CCDC146: variants seen among roughly 807,000 people sequenced by gnomAD.
CCDC146 encodes coiled-coil domain containing 146.
Under a neutral mutation model 119.3 loss-of-function variants are expected in CCDC146, and 92 were observed. The ratio of observed to expected loss-of-function variants is 0.77; its 90% CI spans 0.65 to 0.92. The LOEUF (loss-of-function observed/expected upper bound fraction) is 0.92, where lower values mean the gene tolerates loss of function less well. Ranked by LOEUF, CCDC146 falls within the 40% of genes least tolerant of loss-of-function variation. The pLI is 0.00. For missense variants in CCDC146, 1,000 were observed against 1,103.0 expected, an observed-to-expected ratio of 0.91 and a Z score of 1.32; for synonymous variants, 372 against 371.8, an observed-to-expected ratio of 1.00 and a Z score of -0.01.
intron 2 of CCDC146, among the ~76,000 whole-genome samples, chr7:77,189,301 C>T (rs1334031533): frequency 1.3e-5 from 2 of 152,078 alleles, no homozygotes; most frequent in Non-Finnish European, 2.9e-5. Context: ...TTCTATAATG[C>T]CTCTAATTGT....
At chr7:77,291,604 A>C (rs1222236514) in intron 17 of CCDC146, among the ~76,000 whole-genome samples, 2 of 152,162 alleles carry the variant, frequency 1.3e-5, no homozygotes, top group African/African-American at 4.8e-5. Context: ...GCTACTTGGG[A>C]GGCTGAGGTG....
intron 2 of CCDC146, among the ~76,000 whole-genome samples, chr7:77,205,132 A>G (rs1792059533): frequency 6.6e-6 from 1 of 152,182 alleles, no homozygotes. Flanking sequence ...AAGTAAAGAA[A>G]TTAGGAGAAT....
intron 2 of CCDC146, among the ~76,000 whole-genome samples, chr7:77,204,093 G>A (rs1038029056): frequency 2.0e-5 from 3 of 151,402 alleles, no homozygotes; most frequent in Admixed American, 6.6e-5. Context: ...AATGATAGTC[G>A]TATTTATAGT....
chr7:77,183,038 A>G (rs1322788553), intron 2 of CCDC146, among the ~76,000 whole-genome samples: 2 of 152,198 alleles, frequency 1.3e-5, no homozygotes, highest in East Asian at 1.9e-4. Flanking sequence ...AGCCTTGGAA[A>G]GCAATATGGC....
chr7:77,274,410 T>C, intron 10 of CCDC146, 72 bp from the exon 11 acceptor site: 5 of 1,029,782 alleles, frequency 4.9e-6, no homozygotes, highest in Admixed American at 2.9e-5. Flanking sequence ...AAAAAGGTAG[T>C]CTAAGATACT....
chr7:77,167,008 AAATTCAAGT>A (rs1427015802), intron 1 of CCDC146, among the ~76,000 whole-genome samples: 1 of 152,222 alleles, frequency 6.6e-6, no homozygotes, highest in African/African-American at 2.4e-5. Context: ...TTGTTTCTGA[AAATTCAAGT>A]AAACTATTTG....
chr7:77,228,973 A>G (rs1210204260), intron 2 of CCDC146, among the ~76,000 whole-genome samples: 1 of 152,036 alleles, frequency 6.6e-6, no homozygotes, highest in Non-Finnish European at 1.5e-5. Flanking sequence ...TGCATTAGCT[A>G]TTTTTCCTAA....
intron 9 of CCDC146, among the ~76,000 whole-genome samples, chr7:77,264,257 A>ATT (rs146394446): frequency 6.6e-6 from 1 of 150,808 alleles, no homozygotes. Flanking sequence ...ATTTACTTTG[A>ATT]TTTTTTTTTC....
chr7:77,287,390 G>C (rs768544581), intron 16 of CCDC146, 50 bp from the exon 17 acceptor site: 2 of 1,594,008 alleles, frequency 1.3e-6, no homozygotes, highest in Admixed American at 3.4e-5. Flanking sequence ...ATAAGATTTT[G>C]TCTTAGATGA....
At chr7:77,200,436 G>A (rs774919229) in intron 2 of CCDC146, among the ~76,000 whole-genome samples, 3 of 152,214 alleles carry the variant, frequency 2.0e-5, no homozygotes, top group Non-Finnish European at 2.9e-5. Context: ...TTTGTCCGTA[G>A]CATAGTGTAT....
chr7:77,206,014 T>C (rs1239831994), intron 2 of CCDC146, among the ~76,000 whole-genome samples: 1 of 152,158 alleles, frequency 6.6e-6, no homozygotes, highest in Non-Finnish European at 1.5e-5. Context: ...GAAAGTTGCC[T>C]TCTTTGACTT....
chr7:77,184,044 C>T (rs1048268635), intron 2 of CCDC146, among the ~76,000 whole-genome samples: 1 of 152,250 alleles, frequency 6.6e-6, no homozygotes, highest in South Asian at 2.1e-4. Context: ...TTAGACCTGT[C>T]GTGCATCTCT....
chr7:77,182,873 A>G (rs1414911393), intron 2 of CCDC146, among the ~76,000 whole-genome samples: 1 of 152,014 alleles, frequency 6.6e-6, no homozygotes, highest in Non-Finnish European at 1.5e-5. Context: ...CCTTCACCCT[A>G]TCATCACCAC....
At chr7:77,255,124 G>C (rs1369619444) in intron 5 of CCDC146, among the ~76,000 whole-genome samples, 3 of 152,232 alleles carry the variant, frequency 2.0e-5, no homozygotes, top group African/African-American at 7.2e-5. Context: ...TCACTAGTTG[G>C]TCACATGATG....
chr7:77,236,794 A>T (rs1484991364), intron 2 of CCDC146, among the ~76,000 whole-genome samples, 153 bp from the exon 3 acceptor site: 1 of 152,246 alleles, frequency 6.6e-6, no homozygotes, highest in Non-Finnish European at 1.5e-5. Flanking sequence ...TATTTTCTCC[A>T]AACACCTGGC....
At chr7:77,248,068 C>T (rs1792988462) in intron 4 of CCDC146, among the ~76,000 whole-genome samples, 1 of 152,106 alleles carries the variant, frequency 6.6e-6, no homozygotes, top group Non-Finnish European at 1.5e-5. Flanking sequence ...GAAAATGTGA[C>T]ATATATATAC....
chr7:77,201,157 GATC>G (rs1266240430), intron 2 of CCDC146, among the ~76,000 whole-genome samples: 2 of 152,140 alleles, frequency 1.3e-5, no homozygotes, highest in East Asian at 3.8e-4. Context: ...CATGTAAACA[GATC>G]ATCAGCTTTA....
At chr7:77,199,603 A>T in intron 2 of CCDC146, 1 of 1,614,154 alleles carries the variant, frequency 6.2e-7, no homozygotes, top group South Asian at 1.1e-5. Context: ...CTGAATAGTC[A>T]AGGGGGGCAG....
intron 14 of CCDC146, among the ~76,000 whole-genome samples, chr7:77,282,081 C>T (rs944401922): frequency 1.1e-4 from 16 of 152,152 alleles, no homozygotes; most frequent in Admixed American, 9.2e-4. Context: ...GAAATCACAA[C>T]CAGAAATATT....
Sources: gnomAD v4.1 joint callset for allele counts (sites outside exome capture counted in the v4.1 genomes callset) on GRCh38, gnomAD v4.1.1 for gene constraint, MANE v1.5 for transcripts, NCBI Gene and HGNC (gene_info 2026-07-23, HGNC 2026-07-21) for gene names.